PTBP3: variants seen among roughly 807,000 people sequenced by gnomAD.
PTBP3 encodes the protein polypyrimidine tract-binding protein 3.
A neutral mutation model predicts 58.7 loss-of-function variants in PTBP3; 20 were observed. The observed-to-expected ratio is 0.34, with a 90% CI of 0.24 to 0.50. The LOEUF (loss-of-function observed/expected upper bound fraction) is 0.50. Ranked by LOEUF, PTBP3 falls within the 20% of genes least tolerant of loss-of-function variation. PTBP3 has a pLI of 0.98. For synonymous variants in PTBP3, 185 were observed against 219.8 expected, an observed-to-expected ratio of 0.84 and a Z score of 1.40; for missense variants, 509 against 637.2, an observed-to-expected ratio of 0.80 and a Z score of 2.17.
chr9:112,275,737 A>G, intron 3 of PTBP3, 107 bp downstream of exon 3: 1 of 1,062,586 alleles, frequency 9.4e-7, no homozygotes, highest in Non-Finnish European at 1.3e-6. Flanking sequence ...ACTTATGTTC[A>G]TAGTATGAAA....
At position 112,333,605 on chromosome 9, in the gene PTBP3, A is replaced by G. The variant is rs1322240944; in HGVS notation, c.-187T>C. On this transcript the variant is annotated 5_prime_UTR_variant, in exon 1 of 14. Coordinates refer to ENST00000374257, the MANE Select transcript of PTBP3 (RefSeq NM_001163788.4). The stretch of plus-strand genomic sequence containing the variant: ...GCTCTGCGGAGCCCCGGCCGGTCCG[A>G]GGTGGAAGGAGAGTGGGAACAGGGG... 4 of 1,138,216 alleles carry G rather than the reference A, an allele frequency of 3.5e-6. No homozygotes were observed. Among genetic ancestry groups the G allele is most frequent in the Non-Finnish European group, 5.1e-6 (4 of 791,002 alleles). 70.5% of individuals were successfully genotyped at this position (1,138,216 alleles called of 1,614,324 possible).
chr9:112,366,707 C>A, the PTBP3 span, among the ~76,000 whole-genome samples: 1 of 152,044 alleles, frequency 6.6e-6, no homozygotes. Context: ...TAGGGTAGTG[C>A]AGAAGGGAAA....
the PTBP3 span, among the ~76,000 whole-genome samples, chr9:112,343,927 T>C: frequency 1.4e-4 from 21 of 152,190 alleles, no homozygotes; most frequent in Non-Finnish European, 2.9e-4. Flanking sequence ...TCATATATTT[T>C]ACCCATTTTT....
intron 5 of PTBP3, among the ~76,000 whole-genome samples, chr9:112,259,469 A>G (rs918442611): frequency 1.3e-5 from 2 of 152,130 alleles, no homozygotes; most frequent in African/African-American, 4.8e-5. Context: ...CTTGAACACA[A>G]CAAGCATACT....
In PTBP3 at chr9:112,221,753, C is replaced by T. The variant is rs1834815428; in HGVS notation, c.*2098G>A. On this transcript the variant is annotated 3_prime_UTR_variant, in exon 14 of 14. Coordinates refer to ENST00000374257, the MANE Select transcript of PTBP3 (RefSeq NM_001163788.4). ...TTAGTATCCCTCCTTTCTATTCTAC[C>T]AACTAAGTGTTGCTCAGTGGTGAGT... The T allele has an allele frequency of 1.0e-6, 1 of 985,160 alleles. No homozygotes were observed. The highest frequency in any genetic ancestry group is 4.7e-5 in the South Asian group (1 of 21,270). The allele number at this position is 985,160 out of a possible 1,614,324, so 61.0% of individuals were successfully genotyped here.
intron 4 of PTBP3, among the ~76,000 whole-genome samples, chr9:112,263,888 G>T (rs977475782): frequency 2.6e-5 from 4 of 151,814 alleles, no homozygotes; most frequent in African/African-American, 9.7e-5. Flanking sequence ...AAACTCCTTT[G>T]TACCATAATG....
the PTBP3 span, among the ~76,000 whole-genome samples, chr9:112,343,905 T>C: frequency 1.3e-5 from 2 of 152,168 alleles, no homozygotes; most frequent in African/African-American, 4.8e-5. Context: ...TCTCCTTCAG[T>C]AAAGTACCTG....
At position 112,320,314 on chromosome 9, in the gene PTBP3, A is replaced by ATATATAT; in HGVS notation, c.-52+13155_-52+13156insATATATA. 3.4e-4 allele frequency among the ~76,000 whole-genome samples: 26 copies of ATATATAT among 75,694 alleles called. No individual in the cohort carries two copies. In the East Asian group the frequency reaches 5.6e-3, roughly 16 times the overall value. 49.7% of individuals were successfully genotyped at this position (75,694 alleles called of 152,430 possible). A position where few individuals can be genotyped will look rare whatever the true frequency, so the allele number is the denominator to read the frequency against. On this transcript the variant is annotated intron_variant, in intron 1 of 13. Coordinates refer to ENST00000374257, the MANE Select transcript of PTBP3 (RefSeq NM_001163788.4). ...AAAATATATATATATATATATATAT[A>ATATATAT]TTTTTTTTTAAGTGTTATCACCAGA...
chr9:112,369,227 T>G, the PTBP3 span, among the ~76,000 whole-genome samples: 49 of 152,160 alleles, frequency 3.2e-4, no homozygotes, highest in Non-Finnish European at 6.5e-4. Context: ...AGTGGAGCTG[T>G]GAGAAGAGGG....
the PTBP3 span, among the ~76,000 whole-genome samples, chr9:112,369,624 G>A: frequency 2.0e-5 from 3 of 152,286 alleles, no homozygotes; most frequent in East Asian, 5.8e-4. Flanking sequence ...GTTCATAGGT[G>A]GAAGAGGCTT....
intron 7 of PTBP3, among the ~76,000 whole-genome samples, chr9:112,248,176 C>CA (rs1327167540): frequency 6.6e-6 from 1 of 151,758 alleles, no homozygotes; most frequent in Non-Finnish European, 1.5e-5. Flanking sequence ...ATAAGACACA[C>CA]AAAAAAGCAC....
intron 12 of PTBP3, among the ~76,000 whole-genome samples, chr9:112,226,708 G>A (rs896722297): frequency 1.3e-5 from 2 of 152,210 alleles, no homozygotes; most frequent in Admixed American, 1.3e-4. Flanking sequence ...GCAGCCATAA[G>A]TAACACGTAA....
intron 3 of PTBP3, among the ~76,000 whole-genome samples, chr9:112,275,279 G>T (rs1589852948): frequency 6.6e-6 from 1 of 152,168 alleles, no homozygotes; most frequent in East Asian, 1.9e-4. Context: ...GGGATTACAG[G>T]CATGTGACAC....
intron 2 of PTBP3, among the ~76,000 whole-genome samples, chr9:112,279,451 C>T (rs1053240446): frequency 6.6e-6 from 1 of 152,150 alleles, no homozygotes; most frequent in East Asian, 1.9e-4. Flanking sequence ...AGGAAAACTA[C>T]TTGCGAAACA....
In PTBP3 at chr9:112,219,109, G is replaced by C. The variant is rs1157111317; in HGVS notation, c.*4742C>G. Reference sequence around the variant, plus strand: ...CCGCTCTGCACTGGTTCTTCTTTCAGAAAGGAGCTTGGGGAAAATGCAAAA... The same window carrying C: ...CCGCTCTGCACTGGTTCTTCTTTCACAAAGGAGCTTGGGGAAAATGCAAAA... On this transcript the variant is annotated 3_prime_UTR_variant, in exon 14 of 14. Coordinates refer to ENST00000374257, the MANE Select transcript of PTBP3 (RefSeq NM_001163788.4). 1 of 152,628 alleles carries C rather than the reference G, an allele frequency of 6.6e-6. No homozygotes were observed. The highest frequency in any genetic ancestry group is 2.4e-5 in the African/African-American group (1 of 41,432). The allele number at this position is 152,628 out of a possible 1,614,324, so 9.5% of individuals were successfully genotyped here.
chr9:112,358,762 A>G, the PTBP3 span, among the ~76,000 whole-genome samples: 2,322 of 152,256 alleles, frequency 0.015, 63 homozygotes, highest in African/African-American at 0.052. Context: ...TCATCTCCAG[A>G]AAAAAATGTC....
chr9:112,372,965 C>G, the PTBP3 span, among the ~76,000 whole-genome samples: 1 of 149,488 alleles, frequency 6.7e-6, no homozygotes, highest in Admixed American at 6.8e-5. Flanking sequence ...ATGGTGCGAT[C>G]TCAGCTCACT....
At chr9:112,296,046 T>C (rs760071886) in intron 2 of PTBP3, among the ~76,000 whole-genome samples, 2 of 152,210 alleles carry the variant, frequency 1.3e-5, no homozygotes, top group African/African-American at 4.8e-5. Flanking sequence ...TTTTAGCTCA[T>C]CAGCTATCAT....
chr9:112,329,724 G>A (rs1368645313), intron 1 of PTBP3, among the ~76,000 whole-genome samples: 1 of 152,074 alleles, frequency 6.6e-6, no homozygotes, highest in Non-Finnish European at 1.5e-5. Flanking sequence ...TACATGTAAA[G>A]CACCTGACAC....
Sources: allele counts gnomAD v4.1 joint callset (sites outside exome capture counted in the v4.1 genomes callset), GRCh38; gene constraint gnomAD v4.1.1; transcripts MANE v1.5; gene names NCBI Gene and HGNC (gene_info 2026-07-23, HGNC 2026-07-21).